PROC: variants seen among roughly 807,000 people sequenced by gnomAD.
The protein encoded by PROC is protein C, inactivator of coagulation factors Va and VIIIa, also known as vitamin K-dependent protein C.
In PROC, 22 loss-of-function variants were observed where a neutral mutation model predicts 36.3. The observed-to-expected ratio is 0.61, with a 90% CI of 0.43 to 0.86. The LOEUF (loss-of-function observed/expected upper bound fraction) is 0.86. Among genes scored for constraint, PROC ranks in the 40% least tolerant of loss-of-function variants. PROC has a pLI of 0.00. For synonymous variants in PROC, 218 were observed against 244.5 expected, an observed-to-expected ratio of 0.89 and a Z score of 1.01; for missense variants, 526 against 629.7, an observed-to-expected ratio of 0.84 and a Z score of 1.76.
chr2:127,421,488 C>A (rs554385266), intron 3 of PROC, 39 bp downstream of exon 3: 12 of 1,611,098 alleles, frequency 7.4e-6, no homozygotes, highest in African/African-American at 2.7e-5. Context: ...GGCTCAGGGG[C>A]GAGCTGGTAA....
rs121918152 is a variant in PROC, at chr2:127,426,207, C to T, written c.658C>T (p.Arg220Trp). 7.4e-6 allele frequency: 12 copies of T among 1,613,846 alleles called. No individual in the cohort carries two copies. The highest frequency in any genetic ancestry group is 1.3e-5 in the African/African-American group (1 of 74,888). Residue 220 changes from arginine (R) to tryptophan (W), a missense_variant, in exon 7 of 9, where the codon CGG becomes TGG. Transcript: ENST00000234071. This position sits in a 1 kb window ranked among gnomAD's most constrained non-coding sequence, Gnocchi z 7.0. ...GCTCATTGATGGGAAGATGACCAGG[C>T]GGGGAGACAGCCCCTGGCAGGTGGG... Reference protein sequence around the residue: ...PRLIDGKMTRRGDSPWQVVLL... With the variant: ...PRLIDGKMTRWGDSPWQVVLL...
chr2:127,421,763 A>C (rs969547944), intron 3 of PROC, among the ~76,000 whole-genome samples: 2 of 152,128 alleles, frequency 1.3e-5, no homozygotes, highest in African/African-American at 4.8e-5. Context: ...CCACCTCACA[A>C]AGAGGGGACC....
chr2:127,426,475 A>T lies in PROC; in HGVS notation c.678+248A>T. On this transcript the variant is annotated intron_variant, in intron 7 of 8. Transcript: ENST00000234071. The surrounding 1 kb of genome is among the most constrained non-coding windows in gnomAD (Gnocchi z 7.0). ...GCAGGAGGGAGGGTTACAGTTTCTAAAAAGAGCTGGAAAGACACTGCTCTG... is the reference window on the plus strand; with the variant it reads ...GCAGGAGGGAGGGTTACAGTTTCTATAAAGAGCTGGAAAGACACTGCTCTG... 1.8e-6 allele frequency: 1 copy of T among 560,510 alleles called. No homozygotes were observed. Among genetic ancestry groups the T allele is most frequent in the Non-Finnish European group, 3.2e-6 (1 of 314,726 alleles). The allele number at this position is 560,510 out of a possible 1,614,324, so 34.7% of individuals were successfully genotyped here.
At chr2:127,424,174 T>C (rs182399620) in intron 6 of PROC, among the ~76,000 whole-genome samples, 18 of 152,266 alleles carry the variant, frequency 1.2e-4, no homozygotes, top group Admixed American at 9.2e-4. Flanking sequence ...TCTTTGACTT[T>C]GTGTTTTCTT....
intron 3 of PROC, among the ~76,000 whole-genome samples, chr2:127,422,600 G>A (rs1369940042): frequency 6.6e-6 from 1 of 152,284 alleles, no homozygotes; most frequent in East Asian, 1.9e-4. Context: ...GAGTGACTTG[G>A]TGAGGGATTC....
At chr2:127,422,606 G>A (rs1688166977) in intron 3 of PROC, among the ~76,000 whole-genome samples, 1 of 152,276 alleles carries the variant, frequency 6.6e-6, no homozygotes, top group South Asian at 2.1e-4. Context: ...CTTGGTGAGG[G>A]ATTCGGGTCC....
At chr2:127,422,239 C>G (rs937716910) in intron 3 of PROC, among the ~76,000 whole-genome samples, 2 of 152,230 alleles carry the variant, frequency 1.3e-5, no homozygotes, top group African/African-American at 4.8e-5. Flanking sequence ...CCACCTCTTT[C>G]CCCAGTGGCC....
rs1688714581 is a variant in PROC, at chr2:127,428,931, G to A, written c.1371G>A (p.Lys457=). ...GHIRDKEAPQ[K]SWAP ...TCAGAGACAAGGAAGCCCCCCAGAAGAGCTGGGCACCTTAGCGACCCTCCC... is the reference window on the plus strand; with the variant it reads ...TCAGAGACAAGGAAGCCCCCCAGAAAAGCTGGGCACCTTAGCGACCCTCCC... Residue 457 remains lysine, a synonymous_variant, in exon 9 of 9, where the codon AAG becomes AAA. Transcript: ENST00000234071. 3 of 1,613,826 alleles carry A rather than the reference G, an allele frequency of 1.9e-6. No homozygotes were observed. The highest frequency in any genetic ancestry group is 1.3e-5 in the African/African-American group (1 of 74,922).
In PROC at chr2:127,419,779, C is replaced by G. The variant is rs868848942; in HGVS notation, c.-21-143C>G. ...GCCGAGGCCTTCTGAGGCTATGTCT[C>G]TAGCGAACAAGGACCCTCAATCCCA... On this transcript the variant is annotated intron_variant, in intron 1 of 8. Transcript: ENST00000234071. 69 of 1,519,302 alleles carry G rather than the reference C, an allele frequency of 4.5e-5. No individual in the cohort carries two copies. The Middle Eastern group carries it at 1.2e-3, about 27-fold the overall frequency. 94.1% of individuals were successfully genotyped at this position (1,519,302 alleles called of 1,614,324 possible).
chr2:127,422,797 T>A, intron 3 of PROC, 120 bp from the exon 4 acceptor site: 2 of 1,375,348 alleles, frequency 1.5e-6, no homozygotes, highest in Non-Finnish European at 2.0e-6. Flanking sequence ...CGGGCGTCGA[T>A]CCCTGTTTGT....
At chr2:127,420,235 C>T (rs535478316) in intron 2 of PROC, among the ~76,000 whole-genome samples, 2 of 152,184 alleles carry the variant, frequency 1.3e-5, no homozygotes, top group East Asian at 3.9e-4. Flanking sequence ...GGGAGCCCCG[C>T]GATGACCTCC....
chr2:127,426,424 AGGGGCATG>A lies in PROC; in HGVS notation c.678+207_678+214del. The A allele has an allele frequency of 2.2e-6, 1 of 448,078 alleles. No homozygotes were observed. The highest frequency in any genetic ancestry group is 4.0e-6 in the Non-Finnish European group (1 of 247,466). The allele number at this position is 448,078 out of a possible 1,614,324, so 27.8% of individuals were successfully genotyped here. ...AGGAGCAGCCAGGGTGGGTGAGGGG[AGGGGCATG>A]GGGGCATGGAGGGGTCTGCAGGAGG... On this transcript the variant is annotated intron_variant, in intron 7 of 8. Transcript: ENST00000234071. This position sits in a 1 kb window ranked among gnomAD's most constrained non-coding sequence, Gnocchi z 7.0.
chr2:127,422,772 G>T, intron 3 of PROC, 145 bp from the exon 4 acceptor site: 1 of 1,176,554 alleles, frequency 8.5e-7, no homozygotes, highest in South Asian at 1.4e-5. Flanking sequence ...CCAGCTCCTA[G>T]CAGCCAACGA....
chr2:127,427,682 T>G (rs545805999), intron 8 of PROC, among the ~76,000 whole-genome samples: 1 of 152,194 alleles, frequency 6.6e-6, no homozygotes, highest in Non-Finnish European at 1.5e-5. Context: ...GGGGCACCTA[T>G]GCATTGGCCC....
At position 127,423,084 on chromosome 2, in the gene PROC, T is replaced by G; in HGVS notation, c.313T>G (p.Cys105Gly). The change falls in exon 5 of 9, where the codon TGC (cysteine) becomes GGC (glycine). Residue 105 changes from cysteine to glycine, a missense_variant. Physicochemically the swap from Cys to Gly is radical, Grantham distance 159. Coordinates refer to ENST00000234071, the MANE Select transcript of PROC (RefSeq NM_000312.4). ...CTTGGAGCACCCGTGCGCCAGCCTG[T>G]GCTGCGGGCACGGCACGTGCATCGA... Reference protein sequence around the residue: ...LPLEHPCASLCCGHGTCIDGI... With the variant: ...LPLEHPCASLGCGHGTCIDGI... 6.2e-7 allele frequency: 1 copy of G among 1,611,718 alleles called. No individual in the cohort carries two copies. The highest frequency in any genetic ancestry group is 8.5e-7 in the Non-Finnish European group (1 of 1,179,316).
Position 127,426,998 on chromosome 2 carries a change from GC to G in PROC, c.679-104del. ...AACGCCAGAAAGGGCCTAAGCCTAT[GC>G]CCATATGACCAGGGAACCCAGGAAA... On this transcript the variant is annotated intron_variant, in intron 7 of 8. Coordinates refer to ENST00000234071, the MANE Select transcript of PROC (RefSeq NM_000312.4). This position sits in a 1 kb window ranked among gnomAD's most constrained non-coding sequence, Gnocchi z 7.0. The G allele has an allele frequency of 1.1e-6, 1 of 945,692 alleles. No homozygotes were observed. Among genetic ancestry groups the G allele is most frequent in the Non-Finnish European group, 1.7e-6 (1 of 574,410 alleles). 58.6% of individuals were successfully genotyped at this position (945,692 alleles called of 1,614,324 possible).
rs145918207 is a variant in PROC at position 127,426,481 on chromosome 2, G to A, written c.678+254G>A. 7.3e-6 allele frequency: 4 copies of A among 550,348 alleles called. No homozygotes were observed. The East Asian group carries it at 9.6e-5, about 13-fold the overall frequency. The allele number at this position is 550,348 out of a possible 1,614,324, so 34.1% of individuals were successfully genotyped here. ...GGGAGGGTTACAGTTTCTAAAAAGA[G>A]CTGGAAAGACACTGCTCTGCTGGCG... On this transcript the variant is annotated intron_variant, in intron 7 of 8. Transcript: ENST00000234071. The surrounding 1 kb of genome is among the most constrained non-coding windows in gnomAD (Gnocchi z 7.0).
chr2:127,423,495 G>A (rs577550298), intron 6 of PROC, 87 bp downstream of exon 6: 10 of 1,494,382 alleles, frequency 6.7e-6, no homozygotes, highest in South Asian at 1.3e-5. Context: ...GGGGGGCTCA[G>A]GAGGGTTTCT....
intron 1 of PROC, chr2:127,419,659 C>A: frequency 1.5e-6 from 1 of 664,198 alleles, no homozygotes; most frequent in Non-Finnish European, 2.4e-6. Flanking sequence ...CCACTGTCCC[C>A]AGGGAGGACA....
Sources: allele counts gnomAD v4.1 joint callset (sites outside exome capture counted in the v4.1 genomes callset), GRCh38; gene constraint gnomAD v4.1.1; non-coding constraint Gnocchi (gnomAD v3.1); transcripts MANE v1.5; gene names NCBI Gene and HGNC (gene_info 2026-07-23, HGNC 2026-07-21).